ZNF500: variants seen among roughly 807,000 people sequenced by gnomAD.
ZNF500 encodes zinc finger protein 500, also known as zinc finger protein with KRAB and SCAN domains 18.
Under a neutral mutation model 30.1 loss-of-function variants are expected in ZNF500, and 31 were observed. The observed-to-expected ratio is 1.03, with a 90% CI of 0.77 to 1.39. The LOEUF (loss-of-function observed/expected upper bound fraction) is 1.39, where lower values mean the gene tolerates loss of function less well. Ranked by LOEUF, ZNF500 falls within the 40% of genes most tolerant of loss-of-function variation. The pLI, the probability that ZNF500 is intolerant of heterozygous loss-of-function variation, is 0.00. For missense variants in ZNF500, 817 were observed against 657.8 expected (o/e 1.24, Z -2.65); for synonymous variants, 392 against 282.0 (o/e 1.39, Z -3.91).
At chr16:4,746,095 A>T (rs1346296692), downstream of ZNF500, 2 of 345,754 alleles carry the variant, frequency 5.8e-6, no homozygotes, top group Non-Finnish European at 1.0e-5. Context: ...ATTGGATTTA[A>T]ACTGGCTTAA....
intron 5 of ZNF500, chr16:4,756,649 GGGACTATA>G (rs898611582): frequency 6.6e-6 from 1 of 152,042 alleles, no homozygotes; most frequent in African/African-American, 2.4e-5. Flanking sequence ...CTGAGTAGCT[GGGACTATA>G]GGTGCATGCC....
Position 4,765,716 on chromosome 16 carries a change from T to A in ZNF500, c.263A>T (p.Gln88Leu). The A allele has an allele frequency of 6.2e-7, 1 of 1,613,498 alleles. No homozygotes were observed. The highest frequency in any genetic ancestry group is 8.5e-7 in the Non-Finnish European group (1 of 1,179,960). ...CTCCAGCACCAGCAGCTCCAGGATC[T>A]GCTCCTTGGTGCGCAGCTCCGGCCG... ...WLRPELRTKE[Q>L]ILELLVLEQF... Residue 88 changes from glutamine (Q) to leucine (L), a missense_variant, in exon 2 of 6, where the codon CAG becomes CTG. Gln to Leu is a moderately radical substitution (Grantham distance 113). Coordinates refer to ENST00000219478, the MANE Select transcript of ZNF500 (RefSeq NM_021646.4).
intron 2 of ZNF500, chr16:4,763,803 G>A (rs1417654003): frequency 7.1e-6 from 7 of 985,424 alleles, no homozygotes; most frequent in African/African-American, 1.7e-5. Flanking sequence ...TGGCCACCCC[G>A]ATGGCAGGAT....
downstream of ZNF500, chr16:4,745,077 G>C: frequency 1.3e-6 from 2 of 1,556,274 alleles, no homozygotes; most frequent in Admixed American, 1.7e-5. Context: ...TTGTAGCACT[G>C]ACTGGGCCTA....
chr16:4,752,086 TGA>T lies in ZNF500; in HGVS notation c.*288_*289del. 1 of 1,315,132 alleles carries T rather than the reference TGA, an allele frequency of 7.6e-7. No homozygotes were observed. Among genetic ancestry groups the T allele is most frequent in the Non-Finnish European group, 9.7e-7 (1 of 1,035,716 alleles). The allele number at this position is 1,315,132 out of a possible 1,614,324, so 81.5% of individuals were successfully genotyped here. ...TCAGGAGCCAGCCCCACGAACACCT[TGA>T]GTGTCGGCTTCTGGCCTCCTGAGTG... On this transcript the variant is annotated 3_prime_UTR_variant, in exon 6 of 6. Transcript: ENST00000219478.
rs1048131260 is a variant in ZNF500, at chr16:4,751,224, A to G, written c.*1152T>C. ...CACTGCTTGTCTTGGCCACTCACCCACCGTGGATGTGCACAGACCAGTGGC... is the reference window on the plus strand; with the variant it reads ...CACTGCTTGTCTTGGCCACTCACCCGCCGTGGATGTGCACAGACCAGTGGC... On this transcript the variant is annotated 3_prime_UTR_variant, in exon 6 of 6. Transcript: ENST00000219478. 9.1e-5 allele frequency: 18 copies of G among 196,746 alleles called. No homozygotes were observed. The highest frequency in any genetic ancestry group is 1.7e-4 in the Non-Finnish European group (17 of 97,330). The allele number at this position is 196,746 out of a possible 1,614,324, so 12.2% of individuals were successfully genotyped here. A position where few individuals can be genotyped will look rare whatever the true frequency, so the allele number is the denominator to read the frequency against.
downstream of ZNF500, chr16:4,747,016 T>C: frequency 6.5e-7 from 1 of 1,531,026 alleles, no homozygotes; most frequent in South Asian, 1.2e-5. Flanking sequence ...CCTTCCTCCC[T>C]GGGGCTACGG....
intron 1 of ZNF500, 165 bp from the exon 2 acceptor site, chr16:4,766,241 G>A (rs1387260454): frequency 5.2e-6 from 2 of 382,496 alleles, no homozygotes; most frequent in Non-Finnish European, 9.4e-6. Flanking sequence ...GTTAATTCCC[G>A]GGTAATTTAC....
At chr16:4,759,396 C>T (rs1567530342) in intron 5 of ZNF500, among the ~76,000 whole-genome samples, 1 of 149,810 alleles carries the variant, frequency 6.7e-6, no homozygotes, top group South Asian at 2.1e-4. Flanking sequence ...CTGCTGGATA[C>T]ATCCACCCAG....
Position 4,760,498 on chromosome 16 carries a change from T to A in ZNF500, c.754A>T (p.Asn252Tyr). Reference protein sequence around the residue: ...DPAQRDAPLENEGPGIQLEDG... With the variant: ...DPAQRDAPLEYEGPGIQLEDG... ...ACAATCACTTGCAAGTTACCTTCAT[T>A]CTCCAGCGGCGCGTCCCGCTGAGCT... Residue 252 changes from asparagine to tyrosine, a missense_variant, in exon 5 of 6, where the codon AAT becomes TAT. Coordinates refer to ENST00000219478, the MANE Select transcript of ZNF500 (RefSeq NM_021646.4). 1 of 1,613,160 alleles carries A rather than the reference T, an allele frequency of 6.2e-7. No individual in the cohort carries two copies.
intron 5 of ZNF500, among the ~76,000 whole-genome samples, chr16:4,755,816 C>A (rs1472987100): frequency 6.6e-6 from 1 of 152,146 alleles, no homozygotes; most frequent in East Asian, 1.9e-4. Flanking sequence ...AAATGTCCAT[C>A]AACGAAAATG....
chr16:4,758,522 A>C (rs3747603), intron 5 of ZNF500: 85,375 of 152,090 alleles, frequency 0.56, 24,565 homozygotes, highest in East Asian at 0.66. Flanking sequence ...TTCCTCAATC[A>C]CGGTGCAGGT....
chr16:4,753,842 G>T (rs2082109725), intron 5 of ZNF500, among the ~76,000 whole-genome samples: 1 of 152,232 alleles, frequency 6.6e-6, no homozygotes, highest in Non-Finnish European at 1.5e-5. Flanking sequence ...AGGTGGAGAA[G>T]CCCTGCTCTG....
downstream of ZNF500, chr16:4,747,057 G>C (rs112123443): frequency 2.8e-5 from 42 of 1,501,260 alleles, no homozygotes; most frequent in Non-Finnish European, 3.6e-5. Flanking sequence ...GCCACCTGCA[G>C]ATGTCCCACC....
In ZNF500 at chr16:4,752,851, T is replaced by A. The variant is rs757621153; in HGVS notation, c.968A>T (p.Lys323Met). 1.9e-5 allele frequency: 31 copies of A among 1,614,062 alleles called. No individual in the cohort carries two copies. In the South Asian group the frequency reaches 3.0e-4, roughly 15 times the overall value. Residue 323 changes from lysine to methionine, a missense_variant, in exon 6 of 6, where the codon AAG becomes ATG. Lys to Met is a moderately conservative substitution (Grantham distance 95). Coordinates refer to ENST00000219478, the MANE Select transcript of ZNF500 (RefSeq NM_021646.4). ...PGRRASHGAD[K>M]PYTCPECGKG... ...GCCACATTCGGGGCAGGTGTACGGC[T>A]TGTCAGCCCCATGGGAAGCCCGTCT... is the stretch of plus-strand genomic sequence containing the variant.
chr16:4,757,927 G>C (rs1260079886), intron 5 of ZNF500, among the ~76,000 whole-genome samples: 1 of 133,854 alleles, frequency 7.5e-6, no homozygotes, highest in Non-Finnish European at 1.6e-5. Context: ...TTGACACAGA[G>C]TTTCGCTCTT....
At chr16:4,745,952 CAAA>C (rs58259917), downstream of ZNF500, among the ~76,000 whole-genome samples, 7 of 113,490 alleles carry the variant, frequency 6.2e-5, no homozygotes, top group Admixed American at 9.6e-5. Context: ...GACTCTGTCT[CAAA>C]AAAAAAAAAA....
At chr16:4,746,961 GA>G, downstream of ZNF500, 1 of 1,554,324 alleles carries the variant, frequency 6.4e-7, no homozygotes, top group Admixed American at 2.1e-5. Context: ...TGAGGAGGAG[GA>G]GGAGGAAGAG....
rs761909478 is a variant in ZNF500, at chr16:4,762,772, G to A, written c.415-16C>T. The A allele has an allele frequency of 6.4e-7, 1 of 1,574,730 alleles. No individual in the cohort carries two copies. On this transcript the variant is annotated splice_polypyrimidine_tract_variant and intron_variant, in intron 2 of 5. Transcript: ENST00000219478. ...GCTCTGAGCCCTGCACACAGACAGT[G>A]ATCTCCCCACCAGCTCCCAGAAGGC...
Sources: allele counts gnomAD v4.1 joint callset (sites outside exome capture counted in the v4.1 genomes callset), GRCh38; gene constraint gnomAD v4.1.1; transcripts MANE v1.5; gene names NCBI Gene and HGNC (gene_info 2026-07-23, HGNC 2026-07-21).